Variants in GPHN observed in about 807,000 individuals in gnomAD.
GPHN encodes gephyrin.
GPHN carries 17 observed loss-of-function variants against 95.5 expected under a neutral mutation model. The ratio of observed to expected loss-of-function variants is 0.18; its 90% CI spans 0.12 to 0.27. The LOEUF (loss-of-function observed/expected upper bound fraction) is 0.27, where lower values mean the gene tolerates loss of function less well. Among genes scored for constraint, GPHN ranks in the 10% least tolerant of loss-of-function variants. The pLI, the probability that GPHN is intolerant of heterozygous loss-of-function variation, is 1.00. For missense variants in GPHN, 660 were observed against 978.1 expected (o/e 0.67, Z 4.34); for synonymous variants, 320 against 322.5 (o/e 0.99, Z 0.08).
chr14:67,141,965 T>C (rs532508891), intron 17 of GPHN, among the ~76,000 whole-genome samples: 1 of 152,366 alleles, frequency 6.6e-6, no homozygotes, highest in South Asian at 2.1e-4. Context: ...TCATTTGTTT[T>C]CAAGTTAACA....
chr14:66,689,210 T>A (rs1160665087), intron 2 of GPHN, among the ~76,000 whole-genome samples: 1 of 152,216 alleles, frequency 6.6e-6, no homozygotes, highest in Non-Finnish European at 1.5e-5. Flanking sequence ...TGAAGTACAT[T>A]CCTTCTGTAT....
At chr14:67,682,161 CAG>C in the GPHN span, among the ~76,000 whole-genome samples, 2 of 152,146 alleles carry the variant, frequency 1.3e-5, no homozygotes, top group African/African-American at 4.8e-5. Flanking sequence ...TGTTTAGTAA[CAG>C]AAAACTGTCT....
the GPHN span, chr14:67,557,403 T>C: frequency 3.1e-6 from 5 of 1,613,396 alleles, no homozygotes; most frequent in Non-Finnish European, 4.2e-6. Context: ...AGCTAGAGGC[T>C]CAGCTGGAGA....
At position 66,508,153 on chromosome 14, in the gene GPHN, C is replaced by T. The variant is rs1006094408; in HGVS notation, c.-375C>T. The T allele has an allele frequency of 4.2e-4, 191 of 455,628 alleles. 3 individuals are homozygous for T. The highest frequency in any genetic ancestry group is 7.7e-5 in the Non-Finnish European group (19 of 246,176). 28.2% of individuals were successfully genotyped at this position (455,628 alleles called of 1,614,324 possible). A position where few individuals can be genotyped will look rare whatever the true frequency, so the allele number is the denominator to read the frequency against. ...CCTCCAGAGCGTGTGCTATCCTTTCCTCTCAGTCCTGCCATCTAGCTGCCT... is the reference window on the plus strand; with the variant it reads ...CCTCCAGAGCGTGTGCTATCCTTTCTTCTCAGTCCTGCCATCTAGCTGCCT... On this transcript the variant is annotated 5_prime_UTR_variant, in exon 1 of 23. Coordinates refer to ENST00000478722, the MANE Select transcript of GPHN (RefSeq NM_020806.5).
At chr14:66,853,901 A>G (rs555202139) in intron 4 of GPHN, among the ~76,000 whole-genome samples, 22 of 152,342 alleles carry the variant, frequency 1.4e-4, no homozygotes, top group African/African-American at 5.1e-4. Context: ...AAGCATGGCA[A>G]TTAGCTAGAA....
chr14:66,936,304 C>T (rs988735579), intron 8 of GPHN, among the ~76,000 whole-genome samples: 6 of 151,756 alleles, frequency 4.0e-5, no homozygotes, highest in Admixed American at 2.0e-4. Context: ...ACTTAAACCC[C>T]GGAGGCAGAG....
intron 1 of GPHN, among the ~76,000 whole-genome samples, chr14:66,522,176 A>G (rs2058510439): frequency 6.6e-6 from 1 of 152,170 alleles, no homozygotes; most frequent in African/African-American, 2.4e-5. Flanking sequence ...CATACTCTAT[A>G]TAAAAGAGTG....
chr14:66,618,937 C>T (rs2063168205), intron 1 of GPHN, among the ~76,000 whole-genome samples: 1 of 152,150 alleles, frequency 6.6e-6, no homozygotes, highest in Admixed American at 6.5e-5. Context: ...CCCTTATCTC[C>T]ATCTATCACC....
the GPHN span, among the ~76,000 whole-genome samples, chr14:67,538,986 A>G: frequency 2.6e-5 from 4 of 152,326 alleles, no homozygotes; most frequent in African/African-American, 9.6e-5. Context: ...TTTGACAATC[A>G]GTAAGAGGGA....
the GPHN span, chr14:67,656,582 A>G: frequency 6.2e-7 from 1 of 1,600,478 alleles, no homozygotes; most frequent in South Asian, 1.1e-5. Context: ...TTGAGACTGT[A>G]GCCGATTCTG....
At chr14:66,776,136 T>C (rs1363417587) in intron 2 of GPHN, among the ~76,000 whole-genome samples, 1 of 152,154 alleles carries the variant, frequency 6.6e-6, no homozygotes, top group Non-Finnish European at 1.5e-5. Flanking sequence ...AAGTCAAACA[T>C]GTTTGCTGTC....
At chr14:66,891,425 G>T (rs1221018424) in intron 5 of GPHN, among the ~76,000 whole-genome samples, 3 of 151,988 alleles carry the variant, frequency 2.0e-5, no homozygotes, top group Non-Finnish European at 4.4e-5. Context: ...AATGGTGTTG[G>T]GAAAATTGGA....
At chr14:67,596,295 ATTT>A in the GPHN span, among the ~76,000 whole-genome samples, 2 of 60,220 alleles carry the variant, frequency 3.3e-5, no homozygotes, top group Admixed American at 3.0e-4. Context: ...CGCCCAGCTA[ATTT>A]TTTTTTTTTT....
At chr14:67,608,617 G>A in the GPHN span, among the ~76,000 whole-genome samples, 739 of 152,244 alleles carry the variant, frequency 4.9e-3, 36 homozygotes, top group East Asian at 0.082. Context: ...ATCTGAATTA[G>A]GACTTTCTGG....
At chr14:67,677,328 TGAA>T in the GPHN span, 2 of 147,606 alleles carry the variant, frequency 1.4e-5, no homozygotes, top group East Asian at 2.0e-4. Flanking sequence ...TTTTTCTGAA[TGAA>T]GAATTGTTTT....
At chr14:66,695,143 A>G (rs1360131104) in intron 2 of GPHN, among the ~76,000 whole-genome samples, 1 of 152,222 alleles carries the variant, frequency 6.6e-6, no homozygotes, top group Non-Finnish European at 1.5e-5. Flanking sequence ...CCTGGGCAAC[A>G]GAGCAAGACT....
intron 11 of GPHN, among the ~76,000 whole-genome samples, chr14:67,084,943 G>A (rs567764297): frequency 1.3e-5 from 2 of 152,184 alleles, no homozygotes; most frequent in African/African-American, 4.8e-5. Context: ...AAGGTCAATC[G>A]CAGTGTAAAT....
intron 4 of GPHN, among the ~76,000 whole-genome samples, chr14:66,845,191 T>C (rs2062269052): frequency 6.6e-6 from 1 of 152,208 alleles, no homozygotes; most frequent in African/African-American, 2.4e-5. Flanking sequence ...AACATTGGCA[T>C]GCAAGTATCT....
In GPHN at chr14:66,905,341, T is replaced by G. The variant is rs1319057526; in HGVS notation, c.390-10662T>G. Among the ~76,000 whole-genome samples, 7 of 152,142 alleles carry G rather than the reference T, an allele frequency of 4.6e-5. No individual in the cohort carries two copies. In the South Asian group the frequency reaches 8.3e-4, roughly 18 times the overall value. On this transcript the variant is annotated intron_variant, in intron 5 of 22. Transcript: ENST00000478722. ...TTTGAATTGCTTTTCTGTGTTACCT[T>G]GGAGATCACTGTGTTTTCTTAAAAC... is the stretch of plus-strand genomic sequence containing the variant.
Sources: allele counts gnomAD v4.1 joint callset (sites outside exome capture counted in the v4.1 genomes callset), GRCh38; gene constraint gnomAD v4.1.1; transcripts MANE v1.5; gene names NCBI Gene and HGNC (gene_info 2026-07-23, HGNC 2026-07-21).